Variants in ABCC1 observed in about 807,000 individuals in gnomAD.
The protein encoded by ABCC1 is multidrug resistance-associated protein 1.
Under a neutral mutation model 172.9 loss-of-function variants are expected in ABCC1, and 83 were observed. That is an observed-to-expected ratio of 0.48 (90% CI 0.40 to 0.58). The LOEUF is 0.58. Ranked by LOEUF, ABCC1 falls within the 20% of genes least tolerant of loss-of-function variation. The probability of loss-of-function intolerance (pLI) is 0.00; values close to 1 mark genes in which losing one functional copy is unlikely to be tolerated. For missense variants in ABCC1, 1,817 were observed against 2,002.7 expected (o/e 0.91, Z 1.77); for synonymous variants, 937 against 825.2 (o/e 1.14, Z -2.32).
intron 22 of ABCC1, among the ~76,000 whole-genome samples, chr16:16,111,814 C>T (rs1311551963): frequency 6.6e-6 from 1 of 152,108 alleles, no homozygotes; most frequent in Non-Finnish European, 1.5e-5. Flanking sequence ...CCAGTGTGCC[C>T]ATTTTACAGA....
chr16:15,966,138 G>A (rs1567276989), intron 1 of ABCC1, among the ~76,000 whole-genome samples: 1 of 152,044 alleles, frequency 6.6e-6, no homozygotes, highest in Non-Finnish European at 1.5e-5. Flanking sequence ...GGCACAGCAG[G>A]GCGCGGTGGC....
chr16:15,981,916 C>G (rs891273459), intron 1 of ABCC1, among the ~76,000 whole-genome samples: 67 of 152,294 alleles, frequency 4.4e-4, no homozygotes, highest in African/African-American at 1.5e-3. Context: ...TCTAAATCAT[C>G]TCTCTCAAGT....
At chr16:16,069,205 T>C (rs2050237027) in intron 13 of ABCC1, among the ~76,000 whole-genome samples, 1 of 136,698 alleles carries the variant, frequency 7.3e-6, no homozygotes, top group Admixed American at 7.2e-5. Flanking sequence ...AATAAATAAA[T>C]AAATAAATAT....
At chr16:16,130,645 T>C (rs1421420286) in intron 26 of ABCC1, among the ~76,000 whole-genome samples, 3 of 152,350 alleles carry the variant, frequency 2.0e-5, no homozygotes, top group Admixed American at 6.5e-5. Context: ...TACCTCCACT[T>C]GCTCTTTTGA....
At chr16:16,125,949 G>T in intron 26 of ABCC1, 38 bp downstream of exon 26, 1 of 1,535,554 alleles carries the variant, frequency 6.5e-7, no homozygotes, top group Non-Finnish European at 9.0e-7. Context: ...TTGGTCTTTG[G>T]TGTAGCTTTA....
intron 19 of ABCC1, among the ~76,000 whole-genome samples, chr16:16,100,364 C>T (rs79793951): frequency 3.4e-3 from 13 of 3,810 alleles, no homozygotes; most frequent in East Asian, 0.071. Flanking sequence ...GGTAGGAGAG[C>T]GGGGGGGCTC....
intron 1 of ABCC1, among the ~76,000 whole-genome samples, chr16:15,959,802 G>A (rs1180082964): frequency 6.6e-6 from 1 of 152,192 alleles, no homozygotes; most frequent in African/African-American, 2.4e-5. Flanking sequence ...TAATGACCAG[G>A]GAGGGTGCCC....
intron 14 of ABCC1, among the ~76,000 whole-genome samples, chr16:16,071,955 T>G (rs2050367455): frequency 6.6e-6 from 1 of 152,158 alleles, no homozygotes; most frequent in African/African-American, 2.4e-5. Context: ...GAGGGTGAAC[T>G]TGCACTTGCA....
intron 8 of ABCC1, 94 bp downstream of exon 8, chr16:16,044,774 C>A (rs1168824724): frequency 1.7e-6 from 2 of 1,168,640 alleles, no homozygotes; most frequent in Non-Finnish European, 2.5e-6. Context: ...CATGCTGTGT[C>A]CTGAAGTGGG....
intron 9 of ABCC1, among the ~76,000 whole-genome samples, chr16:16,046,588 G>A (rs1321469487): frequency 7.9e-5 from 12 of 151,994 alleles, no homozygotes; most frequent in African/African-American, 4.8e-5. Flanking sequence ...CAGGTGATCC[G>A]CCTGCCTCAG....
At chr16:16,090,766 C>T (rs1153866) in intron 19 of ABCC1, among the ~76,000 whole-genome samples, 178 bp downstream of exon 19, 3 of 152,116 alleles carry the variant, frequency 2.0e-5, no homozygotes, top group East Asian at 3.9e-4. Context: ...GTCCCTGCAG[C>T]GCTGAACTGG....
In ABCC1 at chr16:16,090,383, C is replaced by T. The variant is rs747716539; in HGVS notation, c.2461-22C>T. 23 of 1,563,250 alleles carry T rather than the reference C, an allele frequency of 1.5e-5. No homozygotes were observed. The South Asian group carries it at 1.8e-4, about 12-fold the overall frequency. ...TCTCACACATGTGCACTCACGTGGC[C>T]GGGTGTCCCCTTTGCCCACAGACGC... On this transcript the variant is annotated intron_variant, in intron 18 of 30. Transcript: ENST00000399410.
chr16:16,085,676 G>T (rs1211298761), intron 17 of ABCC1, among the ~76,000 whole-genome samples: 1 of 152,162 alleles, frequency 6.6e-6, no homozygotes, highest in African/African-American at 2.4e-5. Context: ...GCCACTTAGG[G>T]GGCTGAGGTG....
At chr16:16,034,021 A>AT (rs1567332583) in intron 6 of ABCC1, among the ~76,000 whole-genome samples, 1 of 48,994 alleles carries the variant, frequency 2.0e-5, no homozygotes, top group African/African-American at 6.0e-5. Flanking sequence ...AATAAGCATC[A>AT]TCTTTTTTTT....
intron 23 of ABCC1, among the ~76,000 whole-genome samples, chr16:16,117,022 T>TG (rs1209482230): frequency 6.6e-6 from 1 of 152,108 alleles, no homozygotes; most frequent in Non-Finnish European, 1.5e-5. Flanking sequence ...CGGATGGGAC[T>TG]GGGGGGGATT....
At chr16:15,985,124 A>G (rs756611059) in intron 1 of ABCC1, among the ~76,000 whole-genome samples, 4 of 152,144 alleles carry the variant, frequency 2.6e-5, no homozygotes, top group Non-Finnish European at 4.4e-5. Context: ...AGAGTCATAT[A>G]TTTCCTATTA....
intron 14 of ABCC1, 22 bp from the exon 15 acceptor site, chr16:16,076,304 G>T (rs778975490): frequency 4.3e-6 from 7 of 1,611,728 alleles, no homozygotes; most frequent in Non-Finnish European, 5.9e-6. Flanking sequence ...GCCTGTCCCT[G>T]ACATGTCTCT....
Position 16,036,451 on chromosome 16 carries a change from C to T in ABCC1, c.678-21C>T, listed in dbSNP as rs770634422. On this transcript the variant is annotated intron_variant, in intron 6 of 30. Coordinates refer to ENST00000399410, the MANE Select transcript of ABCC1 (RefSeq NM_004996.4). ...CTGTCATTGACTCTCATTGCCTAAC[C>T]CCCTTGTGTCTTGGCCCCAGGTTGA... is the stretch of plus-strand genomic sequence containing the variant. 4 of 1,607,470 alleles carry T rather than the reference C, an allele frequency of 2.5e-6. No individual in the cohort carries two copies. The South Asian group carries it at 3.3e-5, about 13-fold the overall frequency.
chr16:16,007,536 T>C (rs2047590302), intron 1 of ABCC1, among the ~76,000 whole-genome samples: 1 of 152,208 alleles, frequency 6.6e-6, no homozygotes, highest in Non-Finnish European at 1.5e-5. Context: ...TATGCTCCTG[T>C]TAAGAGAGCT....
Sources: gnomAD v4.1 joint callset for allele counts (sites outside exome capture counted in the v4.1 genomes callset) on GRCh38, gnomAD v4.1.1 for gene constraint, MANE v1.5 for transcripts, NCBI Gene and HGNC (gene_info 2026-07-23, HGNC 2026-07-21) for gene names.